The following MCC variants were observed in gnomAD, a reference collection of about 807,000 sequenced individuals.
The protein encoded by MCC is MCC regulator of Wnt signaling pathway.
Under a neutral mutation model 116.2 loss-of-function variants are expected in MCC, and 90 were observed. The ratio of observed to expected loss-of-function variants is 0.77; its 90% CI spans 0.65 to 0.92. The LOEUF is 0.92. MCC is among the 40% of genes least tolerant of loss of function. MCC has a pLI of 0.00. For missense variants in MCC, 1,516 were observed against 1,312.2 expected (o/e 1.16, Z -2.40); for synonymous variants, 578 against 510.5 (o/e 1.13, Z -1.78).
intron 11 of MCC, among the ~76,000 whole-genome samples, chr5:113,072,738 A>C (rs1031383538): frequency 3.3e-5 from 5 of 152,146 alleles, no homozygotes; most frequent in African/African-American, 9.7e-5. Context: ...CTCCCACCCT[A>C]GGGGTGATTT....
intron 3 of MCC, among the ~76,000 whole-genome samples, chr5:113,271,525 G>A (rs1325310371): frequency 1.3e-5 from 2 of 152,252 alleles, no homozygotes; most frequent in Non-Finnish European, 2.9e-5. Context: ...AATAAAGGGA[G>A]TAACCATCCA....
intron 2 of MCC, among the ~76,000 whole-genome samples, chr5:113,357,249 C>T (rs1440067075): frequency 6.6e-6 from 1 of 152,142 alleles, no homozygotes; most frequent in African/African-American, 2.4e-5. Context: ...TATCTGATCA[C>T]ACTTCATAAT....
chr5:113,357,162 A>C (rs1055143838), intron 2 of MCC, among the ~76,000 whole-genome samples: 1 of 152,216 alleles, frequency 6.6e-6, no homozygotes, highest in East Asian at 1.9e-4. Context: ...GGTTGTTGTG[A>C]GAATTAAAGT....
intron 4 of MCC, among the ~76,000 whole-genome samples, chr5:113,147,762 A>T (rs1393710654): frequency 6.6e-6 from 1 of 152,202 alleles, no homozygotes; most frequent in Non-Finnish European, 1.5e-5. Context: ...CAAAGGAGCT[A>T]GAGGAGTTTA....
In MCC at chr5:113,053,948, G is replaced by C; in HGVS notation, c.2225C>G (p.Ser742Cys). The C allele has an allele frequency of 3.1e-6, 5 of 1,611,462 alleles. No individual in the cohort carries two copies. The highest frequency in any genetic ancestry group is 4.2e-6 in the Non-Finnish European group (5 of 1,177,950). Residue 742 changes from serine to cysteine, a missense_variant, in exon 15 of 19, where the codon TCC becomes TGC. Transcript: ENST00000408903. ...CTCGGTGTCGCAACTACTGGCTGTG[G>C]AGCTGGTTGTGCTGAGAAAGAAGAA... ...SSNSHTSTTS[S>C]TASSCDTEFT...
intron 3 of MCC, among the ~76,000 whole-genome samples, chr5:113,229,414 A>G (rs185841678): frequency 6.6e-6 from 1 of 152,240 alleles, no homozygotes; most frequent in African/African-American, 2.4e-5. Flanking sequence ...TTTTCCAAAC[A>G]CCTAGTACTG....
chr5:113,476,943 G>A (rs1772249185), intron 1 of MCC, among the ~76,000 whole-genome samples: 2 of 152,192 alleles, frequency 1.3e-5, no homozygotes, highest in Admixed American at 1.3e-4. Flanking sequence ...TTAAAGAAAT[G>A]TATGTGAAAA....
chr5:113,088,875 A>G (rs1001851786), intron 8 of MCC, among the ~76,000 whole-genome samples: 1 of 152,128 alleles, frequency 6.6e-6, no homozygotes, highest in Non-Finnish European at 1.5e-5. Flanking sequence ...CCTCAATCTC[A>G]TGGGCTCAAG....
At chr5:113,471,992 G>T (rs925751588) in intron 1 of MCC, among the ~76,000 whole-genome samples, 5 of 152,054 alleles carry the variant, frequency 3.3e-5, no homozygotes, top group Admixed American at 6.5e-5. Flanking sequence ...CTGGTGTGCC[G>T]TTTTTTAAGC....
rs898673214 is a variant in MCC, at chr5:113,294,229, G to C, written c.627+46290C>G. ...CGCTGCCTCCAGACTGGGAGCACAGGGGGATAGGGTGTAGGGCTGTGGGGA... is the reference window on the plus strand; with the variant it reads ...CGCTGCCTCCAGACTGGGAGCACAGCGGGATAGGGTGTAGGGCTGTGGGGA... On this transcript the variant is annotated intron_variant, in intron 3 of 18. Coordinates refer to ENST00000408903, the MANE Select transcript of MCC (RefSeq NM_001085377.2). 9 of 1,455,828 alleles carry C rather than the reference G, an allele frequency of 6.2e-6. No homozygotes were observed. In the African/African-American group the frequency reaches 1.1e-4, roughly 18 times the overall value. The allele number at this position is 1,455,828 out of a possible 1,614,324, so 90.2% of individuals were successfully genotyped here. A position where few individuals can be genotyped will look rare whatever the true frequency, so the allele number is the denominator to read the frequency against.
chr5:113,235,546 G>C (rs565010489), intron 3 of MCC, among the ~76,000 whole-genome samples: 1 of 152,230 alleles, frequency 6.6e-6, no homozygotes, highest in African/African-American at 2.4e-5. Context: ...CAGGAACTGA[G>C]TGGGGAAACA....
intron 1 of MCC, among the ~76,000 whole-genome samples, chr5:113,407,695 G>A (rs903074048): frequency 6.6e-6 from 1 of 152,064 alleles, no homozygotes; most frequent in African/African-American, 2.4e-5. Flanking sequence ...TTGTTACATA[G>A]GTATACGTGT....
intron 3 of MCC, among the ~76,000 whole-genome samples, chr5:113,178,036 C>T (rs370391856): frequency 4.6e-5 from 7 of 152,304 alleles, no homozygotes; most frequent in East Asian, 3.9e-4. Flanking sequence ...CAAAACAATA[C>T]CCAAAACAGT....
intron 6 of MCC, 98 bp from the exon 7 acceptor site, chr5:113,104,453 G>C: frequency 9.4e-7 from 1 of 1,064,910 alleles, no homozygotes; most frequent in Non-Finnish European, 1.3e-6. Flanking sequence ...GATGGCAATG[G>C]AGCCTGACAT....
At chr5:113,468,068 G>A (rs370242830) in intron 1 of MCC, among the ~76,000 whole-genome samples, 4 of 152,186 alleles carry the variant, frequency 2.6e-5, no homozygotes, top group African/African-American at 4.8e-5. Flanking sequence ...TTATCAGCTT[G>A]AGGAGATTTT....
rs148244524 is a variant in MCC, at chr5:113,446,907, C to T, written c.170+41338G>A. ...CCAAACCTCAGTATCACACAATATA[C>T]CCAGGTAACAAACCTGCACATGTAC... On this transcript the variant is annotated intron_variant, in intron 1 of 18. Coordinates refer to ENST00000408903, the MANE Select transcript of MCC (RefSeq NM_001085377.2). Among the ~76,000 whole-genome samples, 374 of 152,162 alleles carry T rather than the reference C, an allele frequency of 2.5e-3. 1 individual carries two copies. The highest frequency in any genetic ancestry group is 4.0e-3 in the Non-Finnish European group (270 of 68,008).
chr5:113,055,155 G>C, intron 14 of MCC, among the ~76,000 whole-genome samples: 1 of 152,218 alleles, frequency 6.6e-6, no homozygotes, highest in Middle Eastern at 3.2e-3. Context: ...GAGACATCAA[G>C]TGGTCAGCCG....
At chr5:113,447,028 C>G (rs1771241353) in intron 1 of MCC, among the ~76,000 whole-genome samples, 1 of 152,132 alleles carries the variant, frequency 6.6e-6, no homozygotes, top group African/African-American at 2.4e-5. Context: ...TTCCTCATCT[C>G]TAATTGACCC....
intron 17 of MCC, among the ~76,000 whole-genome samples, chr5:113,035,956 C>G (rs1055145058): frequency 6.7e-6 from 1 of 150,184 alleles, no homozygotes; most frequent in African/African-American, 2.4e-5. Context: ...TCATTTCATT[C>G]CCACATAACC....
Sources: gnomAD v4.1 joint callset for allele counts (sites outside exome capture counted in the v4.1 genomes callset) on GRCh38, gnomAD v4.1.1 for gene constraint, MANE v1.5 for transcripts, NCBI Gene and HGNC (gene_info 2026-07-23, HGNC 2026-07-21) for gene names.